DACT1: variants seen among roughly 807,000 people sequenced by gnomAD.
DACT1 encodes the protein dishevelled binding antagonist of beta catenin 1.
Under a neutral mutation model 35.3 loss-of-function variants are expected in DACT1, and 19 were observed. The ratio of observed to expected loss-of-function variants is 0.54; its 90% CI spans 0.38 to 0.79. The LOEUF (loss-of-function observed/expected upper bound fraction) is 0.79. Ranked by LOEUF, DACT1 falls within the 30% of genes least tolerant of loss-of-function variation. The pLI is 0.00. For missense variants in DACT1, 1,143 were observed against 1,057.5 expected (o/e 1.08, Z -1.12); for synonymous variants, 545 against 466.7 (o/e 1.17, Z -2.16).
chr14:58,641,354 C>T (rs2047625364), intron 2 of DACT1, among the ~76,000 whole-genome samples: 1 of 151,998 alleles, frequency 6.6e-6, no homozygotes, highest in South Asian at 2.1e-4. Context: ...GGAATAAGGT[C>T]AATTTGAGGG....
chr14:58,638,108 G>A lies in DACT1; in HGVS notation c.-95G>A. On this transcript the variant is annotated 5_prime_UTR_variant, in exon 1 of 4. Transcript: ENST00000395153. ...CCAGCGCCGCGCCCCGCCACAGGGC[G>A]GCATGAGCCCACCCGCGGCCGCAGC... The A allele has an allele frequency of 8.4e-7, 1 of 1,186,782 alleles. No individual in the cohort carries two copies. The highest frequency in any genetic ancestry group is 1.0e-6 in the Non-Finnish European group (1 of 953,086). The allele number at this position is 1,186,782 out of a possible 1,614,324, so 73.5% of individuals were successfully genotyped here. A position where few individuals can be genotyped will look rare whatever the true frequency, so the allele number is the denominator to read the frequency against.
rs767332165 is a variant in DACT1, at chr14:58,646,710, G to GAC, written c.1976_1977insAC (p.Gly660ProfsTer66). The GAC allele has an allele frequency of 5.0e-6, 8 of 1,613,298 alleles. No homozygotes were observed. The highest frequency in any genetic ancestry group is 6.8e-6 in the Non-Finnish European group (8 of 1,179,938). On this transcript the variant is annotated frameshift_variant, in exon 4 of 4. Coordinates refer to ENST00000395153, the MANE Select transcript of DACT1 (RefSeq NM_001079520.2). LOFTEE classifies it high-confidence loss of function. ...GAAGAGGCCCTGAGGAGGGCCCGGC[G>GAC]CGGTCGCCGGGAGAATGTGGGGCTG...
Position 58,640,784 on chromosome 14 carries a change from C to T in DACT1, c.394C>T (p.Leu132Phe). 1 of 1,614,090 alleles carries T rather than the reference C, an allele frequency of 6.2e-7. No individual in the cohort carries two copies. Among genetic ancestry groups the T allele is most frequent in the South Asian group, 1.1e-5 (1 of 91,082 alleles). The stretch of plus-strand genomic sequence containing the variant: ...TGGTTTGTTGAATCAGTTGCAAGAG[C>T]TTGACAAGCAGATAAGTGACCTGAG... ...DAGLLNQLQE[L>F]DKQISDLRLD... The change falls in exon 2 of 4, where the codon CTT (leucine) becomes TTT (phenylalanine). Residue 132 changes from leucine (L) to phenylalanine (F), a missense_variant. By Grantham distance (22) the Leu-to-Phe change is conservative (BLOSUM62 0). Coordinates refer to ENST00000395153, the MANE Select transcript of DACT1 (RefSeq NM_001079520.2).
chr14:58,640,514 T>A (rs1466055822), intron 1 of DACT1, among the ~76,000 whole-genome samples: 2 of 152,252 alleles, frequency 1.3e-5, no homozygotes, highest in Non-Finnish European at 1.5e-5. Flanking sequence ...CTTGTTTTTA[T>A]GAAGAAACTT....
chr14:58,645,174 G>C, intron 3 of DACT1, 195 bp from the exon 4 acceptor site: 2 of 1,052,090 alleles, frequency 1.9e-6, no homozygotes, highest in Non-Finnish European at 1.4e-6. Flanking sequence ...TTTTACCCAT[G>C]GATTTTTCAT....
intron 1 of DACT1, chr14:58,638,751 G>C: frequency 8.4e-7 from 1 of 1,195,494 alleles, no homozygotes; most frequent in Non-Finnish European, 1.0e-6. Context: ...TTTCTGGCGT[G>C]TGCCCGCTTT....
rs1312270375 is a variant in DACT1, at chr14:58,646,416, T to C, written c.1682T>C (p.Leu561Ser). ...GPALQGLENG[L>S]PTVREKTRAG... The stretch of plus-strand genomic sequence containing the variant: ...GCCCTCCAGGGGCTGGAGAACGGCT[T>C]GCCCACCGTCAGGGAGAAAACGCGG... The change falls in exon 4 of 4, where the codon TTG (leucine) becomes TCG (serine). Residue 561 changes from leucine to serine, a missense_variant. Around this residue, in one of 3 missense-constraint regions of DACT1, gnomAD observed 1,054 missense variants for 958.8 expected, o/e 1.10. Transcript: ENST00000395153. 1 of 1,599,924 alleles carries C rather than the reference T, an allele frequency of 6.3e-7. No homozygotes were observed. The highest frequency in any genetic ancestry group is 8.5e-7 in the Non-Finnish European group (1 of 1,175,994).
chr14:58,635,907 G>C (rs1026493878), upstream of DACT1, among the ~76,000 whole-genome samples: 7 of 152,198 alleles, frequency 4.6e-5, no homozygotes, highest in African/African-American at 1.7e-4. Context: ...GTTTAGAAAT[G>C]AGCAGAATGA....
At chr14:58,634,894 C>T (rs1357395045), upstream of DACT1, among the ~76,000 whole-genome samples, 1 of 152,204 alleles carries the variant, frequency 6.6e-6, no homozygotes, top group Non-Finnish European at 1.5e-5. Context: ...CAGGAAAGAT[C>T]TTCAAGCATA....
In DACT1 at chr14:58,638,364, G is replaced by A. The variant is rs879503; in HGVS notation, c.162G>A (p.Gly54=). The change falls in exon 1 of 4, where the codon GGG becomes GGA. Residue 54 remains glycine (G), a synonymous_variant. Transcript: ENST00000395153. The part of the protein sequence containing the change: ...TRERQEATLA[G]LAELEYLRQR... ...AGCGGCAGGAGGCCACGCTGGCCGG[G>A]CTGGCGGAGCTGGAGTACCTGCGCC... 4.6e-6 allele frequency: 6 copies of A among 1,304,558 alleles called. No homozygotes were observed. Among genetic ancestry groups the A allele is most frequent in the Middle Eastern group, 2.9e-4 (1 of 3,458 alleles). The allele number at this position is 1,304,558 out of a possible 1,614,324, so 80.8% of individuals were successfully genotyped here.
chr14:58,640,400 A>C (rs1249750693), intron 1 of DACT1, among the ~76,000 whole-genome samples: 1 of 152,186 alleles, frequency 6.6e-6, no homozygotes, highest in Non-Finnish European at 1.5e-5. Context: ...ATTGTTTTTT[A>C]AAAGACTGGT....
upstream of DACT1, among the ~76,000 whole-genome samples, chr14:58,636,534 T>C (rs1253644422): frequency 2.0e-5 from 3 of 152,030 alleles, no homozygotes; most frequent in South Asian, 4.1e-4. Flanking sequence ...ACAGGTAGCA[T>C]GGGATCAGAA....
At position 58,647,008 on chromosome 14, in the gene DACT1, G is replaced by A. The variant is rs745558571; in HGVS notation, c.2274G>A (p.Thr758=). 1 of 1,614,014 alleles carries A rather than the reference G, an allele frequency of 6.2e-7. No homozygotes were observed. The highest frequency in any genetic ancestry group is 1.3e-5 in the African/African-American group (1 of 74,904). The change falls in exon 4 of 4, where the codon ACG becomes ACA. Residue 758 remains threonine (T), a synonymous_variant. Transcript: ENST00000395153. The stretch of plus-strand genomic sequence containing the variant: ...TTGTCCAGACTCTGCCCATTCAAAC[G>A]GTAACGGCCCCAGACCTTCACAACC... ...SQFVQTLPIQ[T]VTAPDLHNHP...
rs773421214 is a variant in DACT1, at chr14:58,647,095, C to T, written c.2361C>T (p.Arg787=). The T allele has an allele frequency of 6.2e-6, 10 of 1,614,060 alleles. No homozygotes were observed. The highest frequency in any genetic ancestry group is 1.3e-5 in the African/African-American group (1 of 74,920). The change falls in exon 4 of 4, where the codon CGC becomes CGT. Residue 787 remains arginine (R), a synonymous_variant. Transcript: ENST00000395153. ...ATAACCTCAAGAAGAAGATCCTCCGCTTTCGGTCTGGCTCTTTGAAACTGA... is the reference window on the plus strand; with the variant it reads ...ATAACCTCAAGAAGAAGATCCTCCGTTTTCGGTCTGGCTCTTTGAAACTGA... ...ASHNLKKKIL[R]FRSGSLKLMT... is the part of the protein sequence containing the mutation.
intron 1 of DACT1, chr14:58,638,785 T>G (rs2047600225): frequency 2.5e-6 from 3 of 1,189,130 alleles, no homozygotes; most frequent in Non-Finnish European, 3.1e-6. Context: ...TCGCGCGGAT[T>G]GCGGGAAGGG....
intron 2 of DACT1, 48 bp from the exon 3 acceptor site, chr14:58,641,544 C>T: frequency 6.4e-7 from 1 of 1,555,508 alleles, no homozygotes; most frequent in Non-Finnish European, 8.8e-7. Flanking sequence ...CGTGAATATG[C>T]ATTATTTCTT....
chr14:58,637,565 A>T (rs1253898535), upstream of DACT1, among the ~76,000 whole-genome samples: 2 of 152,084 alleles, frequency 1.3e-5, no homozygotes, highest in Admixed American at 6.5e-5. Context: ...AACTTGGTCG[A>T]GTTTCAGAAA....
At position 58,638,191 on chromosome 14, in the gene DACT1, C is replaced by A; in HGVS notation, c.-12C>A. On this transcript the variant is annotated 5_prime_UTR_variant, in exon 1 of 4. Transcript: ENST00000395153. The stretch of plus-strand genomic sequence containing the variant: ...GGCTGCGGTGACGGCTCTCGCTGCC[C>A]GACTGGGGGCCATGAAGCCGAGTCC... The A allele has an allele frequency of 7.7e-7, 1 of 1,306,538 alleles. No homozygotes were observed. Among genetic ancestry groups the A allele is most frequent in the South Asian group, 2.1e-5 (1 of 47,726 alleles). 80.9% of individuals were successfully genotyped at this position (1,306,538 alleles called of 1,614,324 possible).
At chr14:58,635,576 G>T (rs2047567786), upstream of DACT1, among the ~76,000 whole-genome samples, 1 of 149,168 alleles carries the variant, frequency 6.7e-6, no homozygotes, top group African/African-American at 2.5e-5. Context: ...GAATATATTA[G>T]TTTTAATATT....
Sources: gnomAD v4.1 joint callset for allele counts (sites outside exome capture counted in the v4.1 genomes callset) on GRCh38, gnomAD v4.1.1 for gene constraint, gnomAD v4.1.1 regional missense constraint, MANE v1.5 for transcripts, NCBI Gene and HGNC (gene_info 2026-07-23, HGNC 2026-07-21) for gene names.